The following ADK variants were observed in gnomAD, a reference collection of about 807,000 sequenced individuals.
ADK encodes the protein N6,N6-dimethyladenosine kinase.
Under a neutral mutation model 44.7 loss-of-function variants are expected in ADK, and 24 were observed. The observed-to-expected ratio is 0.54, with a 90% CI of 0.39 to 0.76. The LOEUF (loss-of-function observed/expected upper bound fraction) is 0.76, where lower values mean the gene tolerates loss of function less well. ADK is among the 30% of genes least tolerant of loss of function. ADK has a pLI of 0.00. For missense variants in ADK, 321 were observed against 425.1 expected (o/e 0.76, Z 2.15); for synonymous variants, 128 against 142.6 (o/e 0.90, Z 0.73).
intron 4 of ADK, among the ~76,000 whole-genome samples, chr10:74,349,023 A>G (rs1399550328): frequency 6.6e-6 from 1 of 152,162 alleles, no homozygotes; most frequent in Admixed American, 6.5e-5. Context: ...TCCCCAACCT[A>G]GCAAGACAGG....
At chr10:74,452,398 T>C (rs1233093454) in intron 6 of ADK, among the ~76,000 whole-genome samples, 1 of 152,028 alleles carries the variant, frequency 6.6e-6, no homozygotes, top group Non-Finnish European at 1.5e-5. Flanking sequence ...GATTGACACA[T>C]ATGAATGTAG....
intron 3 of ADK, among the ~76,000 whole-genome samples, chr10:74,302,101 G>GTTTGTTTGTTTTTT (rs1564642251): frequency 8.5e-5 from 1 of 11,708 alleles, no homozygotes; most frequent in African/African-American, 2.8e-4. Context: ...TTTTTTTTTT[G>GTTTGTTTGTTTTTT]TTTGTTTGTT....
intron 6 of ADK, among the ~76,000 whole-genome samples, chr10:74,524,671 G>A (rs903562001): frequency 6.6e-6 from 1 of 152,128 alleles, no homozygotes; most frequent in Admixed American, 6.5e-5. Flanking sequence ...GGAATTCCAG[G>A]TGTGATTCAT....
chr10:74,263,667 T>C (rs1341504081), intron 3 of ADK, among the ~76,000 whole-genome samples: 2 of 152,226 alleles, frequency 1.3e-5, no homozygotes, highest in Non-Finnish European at 2.9e-5. Context: ...TGTTCCAGTT[T>C]TGTTTTTAGC....
At chr10:74,695,482 GTGTGTGTGTGTGTGTA>G (rs1856147229) in intron 10 of ADK, among the ~76,000 whole-genome samples, 1 of 151,712 alleles carries the variant, frequency 6.6e-6, no homozygotes, top group Non-Finnish European at 1.5e-5. Context: ...ATGTGTGTGT[GTGTGTGTGTGTGTGTA>G]TGTGTGTATG....
chr10:74,431,326 C>T (rs1048748381), intron 6 of ADK, among the ~76,000 whole-genome samples: 6 of 152,154 alleles, frequency 3.9e-5, no homozygotes, highest in African/African-American at 1.4e-4. Context: ...ATGTAGTTAT[C>T]ACATCGGCCC....
At chr10:74,627,993 C>T (rs1317256832) in intron 9 of ADK, among the ~76,000 whole-genome samples, 1 of 152,040 alleles carries the variant, frequency 6.6e-6, no homozygotes, top group Non-Finnish European at 1.5e-5. Flanking sequence ...GAAGCCTACA[C>T]GTTGGTATTT....
At chr10:74,576,977 A>AGTATG (rs1851205430) in intron 7 of ADK, among the ~76,000 whole-genome samples, 1 of 152,146 alleles carries the variant, frequency 6.6e-6, no homozygotes, top group African/African-American at 2.4e-5. Context: ...TATTAAATGC[A>AGTATG]GTATGAACTT....
At chr10:74,311,649 G>T (rs1840436967) in intron 3 of ADK, among the ~76,000 whole-genome samples, 1 of 151,988 alleles carries the variant, frequency 6.6e-6, no homozygotes, top group Admixed American at 6.5e-5. Context: ...TTGATATAAA[G>T]AATGTTTCTA....
At chr10:74,514,967 G>C (rs933258445) in intron 6 of ADK, among the ~76,000 whole-genome samples, 3 of 152,110 alleles carry the variant, frequency 2.0e-5, no homozygotes, top group Admixed American at 6.5e-5. Context: ...TGGAACTACA[G>C]ACACTCACCA....
rs1013939829 is a variant in ADK, at chr10:74,709,149, A to C, written c.*704A>C. The C allele has an allele frequency of 6.6e-6, 1 of 152,284 alleles. No individual in the cohort carries two copies. Among genetic ancestry groups the C allele is most frequent in the Non-Finnish European group, 1.5e-5 (1 of 68,094 alleles). 9.4% of individuals were successfully genotyped at this position (152,284 alleles called of 1,614,324 possible). A position where few individuals can be genotyped will look rare whatever the true frequency, so the allele number is the denominator to read the frequency against. On this transcript the variant is annotated 3_prime_UTR_variant, in exon 11 of 11. Coordinates refer to ENST00000539909, the MANE Select transcript of ADK (RefSeq NM_006721.4). ...TTTCTGTCTTTTCCCTGTGTACAGC[A>C]AACTGAGGAAGAAAGATCATTATTT... is the stretch of plus-strand genomic sequence containing the variant.
chr10:74,548,665 T>G (rs1021614825), intron 7 of ADK, among the ~76,000 whole-genome samples: 5 of 152,216 alleles, frequency 3.3e-5, no homozygotes, highest in African/African-American at 1.2e-4. Context: ...AAGGAATGGT[T>G]GAGATTACCT....
intron 4 of ADK, among the ~76,000 whole-genome samples, chr10:74,341,784 AT>A (rs1170429470): frequency 4.6e-5 from 7 of 152,128 alleles, no homozygotes; most frequent in Admixed American, 4.6e-4. Flanking sequence ...TGTCTTGACA[AT>A]TCATTTATGA....
intron 6 of ADK, among the ~76,000 whole-genome samples, chr10:74,408,271 G>A (rs1592167092): frequency 6.6e-6 from 1 of 151,906 alleles, no homozygotes; most frequent in African/African-American, 2.4e-5. Context: ...GGTATTACAG[G>A]CATGAGCCAC....
chr10:74,383,705 G>A (rs896777036), intron 4 of ADK, among the ~76,000 whole-genome samples: 1 of 152,042 alleles, frequency 6.6e-6, no homozygotes, highest in African/African-American at 2.4e-5. Context: ...GAAGGGAAAG[G>A]CAATAGGACA....
chr10:74,235,524 G>C (rs548531065), intron 3 of ADK, among the ~76,000 whole-genome samples: 1 of 152,106 alleles, frequency 6.6e-6, no homozygotes, highest in East Asian at 1.9e-4. Flanking sequence ...GGCTGGTCTT[G>C]AGCTCCTGGA....
At chr10:74,589,682 C>T (rs753475107) in intron 8 of ADK, among the ~76,000 whole-genome samples, 2 of 152,142 alleles carry the variant, frequency 1.3e-5, no homozygotes, top group Non-Finnish European at 2.9e-5. Context: ...ACTGCTAAAG[C>T]AGTGGTGGAA....
intron 10 of ADK, among the ~76,000 whole-genome samples, chr10:74,695,094 C>T (rs181531173): frequency 6.6e-6 from 1 of 152,072 alleles, no homozygotes; most frequent in Admixed American, 6.5e-5. Context: ...TCCACCTTTT[C>T]TCTATTTATT....
chr10:74,275,083 G>A (rs1329742871), intron 3 of ADK, among the ~76,000 whole-genome samples: 1 of 152,026 alleles, frequency 6.6e-6, no homozygotes, highest in East Asian at 1.9e-4. Flanking sequence ...GTCTTACCAT[G>A]CAGATGAAGG....
Sources: gnomAD v4.1 joint callset for allele counts (sites outside exome capture counted in the v4.1 genomes callset) on GRCh38, gnomAD v4.1.1 for gene constraint, MANE v1.5 for transcripts, NCBI Gene and HGNC (gene_info 2026-07-23, HGNC 2026-07-21) for gene names.